GPD2: variants seen among roughly 807,000 people sequenced by gnomAD.
GPD2 encodes the protein glycerol-3-phosphate dehydrogenase 2, also known as glycerol-3-phosphate dehydrogenase, mitochondrial.
GPD2 carries 54 observed loss-of-function variants against 82.4 expected under a neutral mutation model. The observed-to-expected ratio is 0.66, with a 90% CI of 0.53 to 0.82. The LOEUF is 0.82. Among genes scored for constraint, GPD2 ranks in the 40% least tolerant of loss-of-function variants. GPD2 has a pLI of 0.00. For synonymous variants in GPD2, 288 were observed against 306.1 expected (o/e 0.94, Z 0.62); for missense variants, 748 against 896.2 (o/e 0.83, Z 2.11).
chr2:156,538,786 A>G (rs1435766223), intron 6 of GPD2, among the ~76,000 whole-genome samples: 2 of 144,638 alleles, frequency 1.4e-5, no homozygotes, highest in Admixed American at 1.5e-4. Flanking sequence ...ACGCCACTGC[A>G]CTGCAGCCTG....
intron 3 of GPD2, among the ~76,000 whole-genome samples, chr2:156,509,765 C>CTTTTTTTTTTTTTTTTTTTT (rs60361072): frequency 4.3e-5 from 5 of 117,382 alleles, no homozygotes; most frequent in Non-Finnish European, 6.7e-5. Flanking sequence ...ATATGTTCTT[C>CTTTTTTTTTTTTTTTTTTTT]TTTTTTTTTT....
intron 2 of GPD2, among the ~76,000 whole-genome samples, chr2:156,489,503 CCT>C (rs757694732): frequency 1.4e-4 from 22 of 152,054 alleles, no homozygotes; most frequent in Non-Finnish European, 2.8e-4. Context: ...GCTCTTGTAG[CCT>C]CTTTTCTATG....
intron 3 of GPD2, among the ~76,000 whole-genome samples, chr2:156,504,139 A>G (rs953420875): frequency 3.9e-5 from 6 of 152,058 alleles, no homozygotes; most frequent in Admixed American, 1.3e-4. Flanking sequence ...AACCAACTCA[A>G]TATCATATAT....
At chr2:156,524,110 A>G (rs953971206) in intron 6 of GPD2, among the ~76,000 whole-genome samples, 7 of 152,118 alleles carry the variant, frequency 4.6e-5, no homozygotes, top group Non-Finnish European at 1.0e-4. Flanking sequence ...ATTATACTCA[A>G]TAGGTAGCTT....
chr2:156,585,790 G>A lies in GPD2; in HGVS notation c.*2872G>A, dbSNP rs1688196639. Reference sequence around the variant, plus strand: ...TGAATGTAATATTAAAGTCAATGATGCTATAACTTGCGATGTTTGCATCAT... The same window carrying A: ...TGAATGTAATATTAAAGTCAATGATACTATAACTTGCGATGTTTGCATCAT... On this transcript the variant is annotated 3_prime_UTR_variant, in exon 17 of 17. Coordinates refer to ENST00000438166, the MANE Select transcript of GPD2 (RefSeq NM_000408.5). 6.6e-6 allele frequency: 1 copy of A among 152,462 alleles called. No individual in the cohort carries two copies. The highest frequency in any genetic ancestry group is 6.6e-5 in the Admixed American group (1 of 15,244). 9.4% of individuals were successfully genotyped at this position (152,462 alleles called of 1,614,324 possible). A position where few individuals can be genotyped will look rare whatever the true frequency, so the allele number is the denominator to read the frequency against.
chr2:156,400,694 A>G, the GPD2 span, among the ~76,000 whole-genome samples: 1 of 152,226 alleles, frequency 6.6e-6, no homozygotes, highest in South Asian at 2.1e-4. Context: ...TTTAAAAATA[A>G]AGATCTTAAT....
chr2:156,524,783 T>C (rs2105294214), intron 6 of GPD2, among the ~76,000 whole-genome samples: 1 of 152,284 alleles, frequency 6.6e-6, no homozygotes, highest in African/African-American at 2.4e-5. Flanking sequence ...GTGGGACATA[T>C]TTGGTGACTA....
chr2:156,441,252 A>C (rs565265715), intron 1 of GPD2, among the ~76,000 whole-genome samples: 2 of 152,166 alleles, frequency 1.3e-5, no homozygotes, highest in African/African-American at 4.8e-5. Context: ...TTTTGTAATA[A>C]ACTGTTATAT....
chr2:156,488,936 C>T (rs2105226392), intron 2 of GPD2, among the ~76,000 whole-genome samples: 1 of 152,254 alleles, frequency 6.6e-6, no homozygotes, highest in Admixed American at 6.5e-5. Context: ...TCTCCCAATT[C>T]CACCAAGATA....
At chr2:156,479,862 A>G (rs1558919114) in intron 2 of GPD2, among the ~76,000 whole-genome samples, 1 of 152,110 alleles carries the variant, frequency 6.6e-6, no homozygotes, top group Non-Finnish European at 1.5e-5. Flanking sequence ...AGTTTCCACA[A>G]AGGGAGCTTG....
intron 6 of GPD2, among the ~76,000 whole-genome samples, chr2:156,545,114 A>G (rs573235831): frequency 2.0e-5 from 3 of 152,266 alleles, no homozygotes; most frequent in African/African-American, 7.2e-5. Flanking sequence ...ATGAGCATAC[A>G]CACGCATGCC....
At chr2:156,421,365 C>T in the GPD2 span, among the ~76,000 whole-genome samples, 1 of 152,116 alleles carries the variant, frequency 6.6e-6, no homozygotes, top group African/African-American at 2.4e-5. Flanking sequence ...AAATTAAAAA[C>T]AATGACAACT....
At chr2:156,569,585 C>T (rs758289221) in intron 11 of GPD2, 47 bp downstream of exon 11, 65 of 1,409,870 alleles carry the variant, frequency 4.6e-5, no homozygotes, top group Non-Finnish European at 6.2e-5. Context: ...TAATCTCTCA[C>T]TGCTGCCAGT....
chr2:156,447,888 C>T (rs1486348351), intron 1 of GPD2, among the ~76,000 whole-genome samples: 1 of 152,118 alleles, frequency 6.6e-6, no homozygotes, highest in Non-Finnish European at 1.5e-5. Context: ...ATCAATATCC[C>T]TGATTTCAGT....
chr2:156,501,162 T>C (rs1417748249), intron 3 of GPD2, among the ~76,000 whole-genome samples: 1 of 152,146 alleles, frequency 6.6e-6, no homozygotes, highest in Non-Finnish European at 1.5e-5. Flanking sequence ...TTGGTGGGCC[T>C]GTAGAAAATA....
Position 156,507,281 on chromosome 2 carries a change from T to G in GPD2, c.275-3515T>G, listed in dbSNP as rs556549339. On this transcript the variant is annotated intron_variant, in intron 3 of 16. Coordinates refer to ENST00000438166, the MANE Select transcript of GPD2 (RefSeq NM_000408.5). ...CCCACCCCTCCCAAAGTGCTGGGATTACAGTCATGAGCCACTGTGCCCAGC... is the reference window on the plus strand; with the variant it reads ...CCCACCCCTCCCAAAGTGCTGGGATGACAGTCATGAGCCACTGTGCCCAGC... Among the ~76,000 whole-genome samples the G allele has an allele frequency of 2.6e-5, 4 of 152,104 alleles. No homozygotes were observed. In the East Asian group the frequency reaches 7.7e-4, roughly 29 times the overall value.
intron 2 of GPD2, among the ~76,000 whole-genome samples, chr2:156,481,491 G>T (rs1015907350): frequency 2.7e-5 from 4 of 150,428 alleles, no homozygotes; most frequent in Non-Finnish European, 4.4e-5. Flanking sequence ...AATACCAACA[G>T]TTCTACTCTC....
chr2:156,453,393 G>A (rs186790473), intron 1 of GPD2, among the ~76,000 whole-genome samples: 1 of 152,304 alleles, frequency 6.6e-6, no homozygotes, highest in Admixed American at 6.5e-5. Context: ...CAAGATGGTG[G>A]AATGGAAATT....
intron 16 of GPD2, 101 bp downstream of exon 16, chr2:156,579,889 G>T (rs1438272562): frequency 1.4e-6 from 1 of 727,010 alleles, no homozygotes; most frequent in Non-Finnish European, 2.5e-6. Flanking sequence ...CCACACAATT[G>T]TCAGATTATT....
Sources: allele counts gnomAD v4.1 joint callset (sites outside exome capture counted in the v4.1 genomes callset), GRCh38; gene constraint gnomAD v4.1.1; transcripts MANE v1.5; gene names NCBI Gene and HGNC (gene_info 2026-07-23, HGNC 2026-07-21).